The following CYP1B1 variants were observed in gnomAD, a reference collection of about 807,000 sequenced individuals.
CYP1B1 encodes cytochrome P450 family 1 subfamily B member 1.
In CYP1B1, 22 loss-of-function variants were observed where a neutral mutation model predicts 29.9. The ratio of observed to expected loss-of-function variants is 0.74; its 90% CI spans 0.53 to 1.05. The LOEUF is 1.05. Among genes scored for constraint, CYP1B1 ranks in the 50% least tolerant of loss-of-function variants. The probability of loss-of-function intolerance (pLI) is 0.00; values close to 1 mark genes in which losing one functional copy is unlikely to be tolerated. For synonymous variants in CYP1B1, 375 were observed against 320.0 expected (o/e 1.17, Z -1.83); for missense variants, 883 against 746.9 (o/e 1.18, Z -2.12).
At chr2:38,073,045 T>C (rs183154940) in intron 2 of CYP1B1, among the ~76,000 whole-genome samples, 6 of 152,352 alleles carry the variant, frequency 3.9e-5, no homozygotes, top group African/African-American at 9.6e-5. Context: ...TATCTGCGGA[T>C]GCACAAAAAC....
Position 38,071,001 on chromosome 2 carries a change from G to A in CYP1B1, c.1353C>T (p.Leu451=). ...CTCTGCTGGTCAGGTCCTTGTTGAT[G>A]AGGCCATCCTTGTCCAAGAATCGAG... is the stretch of plus-strand genomic sequence containing the variant. ...DPARFLDKDG[L]INKDLTSRVM... Residue 451 remains leucine (L), a synonymous_variant, in exon 3 of 3, where the codon CTC becomes CTT. Transcript: ENST00000610745. 1 of 1,614,136 alleles carries A rather than the reference G, an allele frequency of 6.2e-7. No individual in the cohort carries two copies. Among genetic ancestry groups the A allele is most frequent in the Non-Finnish European group, 8.5e-7 (1 of 1,180,008 alleles).
Position 38,071,072 on chromosome 2 carries a change from T to C in CYP1B1, c.1282A>G (p.Asn428Asp). Reference sequence around the variant, plus strand: ...TTAGGCCACTTCAGTGGGTCATGATTCACAGACCACTGGTTGACAAAAACC... The same window carrying C: ...TTAGGCCACTTCAGTGGGTCATGATCCACAGACCACTGGTTGACAAAAACC... The part of the protein sequence containing the change: ...TVVFVNQWSV[N>D]HDPLKWPNPE... The change falls in exon 3 of 3, where the codon AAT (asparagine) becomes GAT (aspartate). Residue 428 changes from asparagine to aspartate, a missense_variant. Coordinates refer to ENST00000610745, the MANE Select transcript of CYP1B1 (RefSeq NM_000104.4). 6.2e-7 allele frequency: 1 copy of C among 1,613,362 alleles called. No individual in the cohort carries two copies. The highest frequency in any genetic ancestry group is 8.5e-7 in the Non-Finnish European group (1 of 1,179,330).
In CYP1B1 at chr2:38,070,579, C is replaced by T; in HGVS notation, c.*143G>A. 1 of 770,308 alleles carries T rather than the reference C, an allele frequency of 1.3e-6. No individual in the cohort carries two copies. The highest frequency in any genetic ancestry group is 2.7e-5 in the East Asian group (1 of 37,530). 47.7% of individuals were successfully genotyped at this position (770,308 alleles called of 1,614,324 possible). A position where few individuals can be genotyped will look rare whatever the true frequency, so the allele number is the denominator to read the frequency against. ...AAGAACCGCTGGGTATGGAGCACAC[C>T]TCACCTGATGGACAGTTGATTTATG... On this transcript the variant is annotated 3_prime_UTR_variant, in exon 3 of 3. Coordinates refer to ENST00000610745, the MANE Select transcript of CYP1B1 (RefSeq NM_000104.4).
chr2:38,074,171 C>T (rs1682480716), intron 2 of CYP1B1, 175 bp downstream of exon 2: 1 of 703,328 alleles, frequency 1.4e-6, no homozygotes, highest in Non-Finnish European at 2.4e-6. Flanking sequence ...GGCGCGTGCG[C>T]GTGTCGCAGC....
chr2:38,075,369 G>C lies in CYP1B1; in HGVS notation c.20C>G (p.Pro7Arg). Reference protein sequence around the residue: MGTSLSPNDPWPLNPLS... With the variant: MGTSLSRNDPWPLNPLS... ...CGGGTTTAGCGGCCAAGGGTCGTTC[G>C]GGCTGAGGCTGGTGCCCATGCTGGG... Residue 7 changes from proline to arginine, a missense_variant, in exon 2 of 3, where the codon CCG becomes CGG. Transcript: ENST00000610745. 2 of 1,612,900 alleles carry C rather than the reference G, an allele frequency of 1.2e-6. No homozygotes were observed. Among genetic ancestry groups the C allele is most frequent in the Non-Finnish European group, 1.7e-6 (2 of 1,179,976 alleles).
chr2:38,075,591 C>T, intron 1 of CYP1B1, 189 bp downstream of exon 1: 2 of 613,670 alleles, frequency 3.3e-6, no homozygotes, highest in African/African-American at 1.8e-5. Flanking sequence ...GTTTCCACCT[C>T]GCTGTAACCC....
rs147024942 is a variant in CYP1B1 at position 38,067,926 on chromosome 2, G to T, written c.*2796C>A. On this transcript the variant is annotated 3_prime_UTR_variant, in exon 3 of 3. Coordinates refer to ENST00000610745, the MANE Select transcript of CYP1B1 (RefSeq NM_000104.4). The stretch of plus-strand genomic sequence containing the variant: ...AACATATACTGCTATGCAACTATTT[G>T]ATCTAATATAGATCTACTAGGAAAA... 8.9e-4 allele frequency: 172 copies of T among 192,314 alleles called. No homozygotes were observed. Among genetic ancestry groups the T allele is most frequent in the African/African-American group, 3.6e-3 (157 of 43,248 alleles). 11.9% of individuals were successfully genotyped at this position (192,314 alleles called of 1,614,324 possible). A position where few individuals can be genotyped will look rare whatever the true frequency, so the allele number is the denominator to read the frequency against.
chr2:38,074,057 C>T, intron 2 of CYP1B1: 1 of 535,876 alleles, frequency 1.9e-6, no homozygotes, highest in Non-Finnish European at 3.3e-6. Context: ...CTTGTTTTTC[C>T]GGGGGGTGGA....
At chr2:38,071,477 T>C (rs1017982491) in intron 2 of CYP1B1, among the ~76,000 whole-genome samples, 167 bp from the exon 3 acceptor site, 7 of 152,218 alleles carry the variant, frequency 4.6e-5, no homozygotes, top group African/African-American at 1.4e-4. Context: ...GCTTCCTAAT[T>C]TCTCACTAAA....
chr2:38,068,113 C>A lies in CYP1B1; in HGVS notation c.*2609G>T. The A allele has an allele frequency of 4.9e-6, 1 of 205,036 alleles. No individual in the cohort carries two copies. Among genetic ancestry groups the A allele is most frequent in the Non-Finnish European group, 1.0e-5 (1 of 99,738 alleles). 12.7% of individuals were successfully genotyped at this position (205,036 alleles called of 1,614,324 possible). ...ACATACAAATGAAGCATTTAATAAA[C>A]ATTATACTTTATTGCAATAACCTGG... On this transcript the variant is annotated 3_prime_UTR_variant, in exon 3 of 3. Coordinates refer to ENST00000610745, the MANE Select transcript of CYP1B1 (RefSeq NM_000104.4).
rs903289558 is a variant in CYP1B1 at position 38,070,408 on chromosome 2, A to T, written c.*314T>A. 4.9e-6 allele frequency: 2 copies of T among 406,968 alleles called. No individual in the cohort carries two copies. Among genetic ancestry groups the T allele is most frequent in the African/African-American group, 2.0e-5 (1 of 50,916 alleles). 25.2% of individuals were successfully genotyped at this position (406,968 alleles called of 1,614,324 possible). A position where few individuals can be genotyped will look rare whatever the true frequency, so the allele number is the denominator to read the frequency against. On this transcript the variant is annotated 3_prime_UTR_variant, in exon 3 of 3. Transcript: ENST00000610745. ...TAGTTTGGTGTAAGTGTTTGGGTGT[A>T]TGTGTCTATATGTGCATTTTAACTC... is the stretch of plus-strand genomic sequence containing the variant.
Position 38,074,639 on chromosome 2 carries a change from G to C in CYP1B1, c.750C>G (p.Phe250Leu). ...GGAAAACGGTGCGCACCGGGTTGGG[G>C]AAGTACTGCAGCCAGGGCATCACGT... ...LVDVMPWLQY[F>L]PNPVRTVFRE... The change falls in exon 2 of 3, where the codon TTC (phenylalanine) becomes TTG (leucine). Residue 250 changes from phenylalanine to leucine, a missense_variant. Transcript: ENST00000610745. 5 of 1,613,532 alleles carry C rather than the reference G, an allele frequency of 3.1e-6. No homozygotes were observed. Among genetic ancestry groups the C allele is most frequent in the Non-Finnish European group, 4.2e-6 (5 of 1,180,020 alleles).
intron 1 of CYP1B1, 150 bp downstream of exon 1, chr2:38,075,630 G>T (rs1682524535): frequency 5.1e-6 from 3 of 588,258 alleles, no homozygotes; most frequent in Non-Finnish European, 9.1e-6. Context: ...TCCCCGCAAG[G>T]CGCGTAACGG....
chr2:38,074,996 G>C lies in CYP1B1; in HGVS notation c.393C>G (p.Ser131Arg). 6.3e-7 allele frequency: 1 copy of C among 1,589,346 alleles called. No homozygotes were observed. The highest frequency in any genetic ancestry group is 8.5e-7 in the Non-Finnish European group (1 of 1,175,784). Residue 131 changes from serine (S) to arginine (R), a missense_variant, in exon 2 of 3, where the codon AGC (serine) becomes AGG (arginine). Coordinates refer to ENST00000610745, the MANE Select transcript of CYP1B1 (RefSeq NM_000104.4). ...GCTCCGAGTAGTGGCCGAAAGCCAT[G>C]CTGCGGCCGCCGGACACCACACGGA... ...ASFRVVSGGR[S>R]MAFGHYSEHW...
chr2:38,075,515 G>C, intron 1 of CYP1B1, 126 bp from the exon 2 acceptor site: 1 of 956,804 alleles, frequency 1.0e-6, no homozygotes, highest in South Asian at 1.4e-5. Context: ...TGACTCTCTG[G>C]AGAAATGGCC....
Position 38,070,853 on chromosome 2 carries a change from C to T in CYP1B1, c.1501G>A (p.Ala501Thr), listed in dbSNP as rs746179169. 1 of 1,614,150 alleles carries T rather than the reference C, an allele frequency of 6.2e-7. No individual in the cohort carries two copies. The highest frequency in any genetic ancestry group is 8.5e-7 in the Non-Finnish European group (1 of 1,180,040). ...CDFRANPNEP[A>T]KMNFSYGLTI... ...AGACCATAACTGAAATTCATTTTCG[C>T]AGGCTCATTTGGGTTGGCCCTGAAA... is the stretch of plus-strand genomic sequence containing the variant. The change falls in exon 3 of 3, where the codon GCG (alanine) becomes ACG (threonine). Residue 501 changes from alanine to threonine, a missense_variant. Ala to Thr is a moderately conservative substitution (Grantham distance 58). Coordinates refer to ENST00000610745, the MANE Select transcript of CYP1B1 (RefSeq NM_000104.4).
chr2:38,075,202 C>T lies in CYP1B1; in HGVS notation c.187G>A (p.Ala63Thr). 1.9e-6 allele frequency: 3 copies of T among 1,576,560 alleles called. No homozygotes were observed. In the East Asian group the frequency reaches 6.8e-5, roughly 36 times the overall value. The change falls in exon 2 of 3, where the codon GCG (alanine) becomes ACG (threonine). Residue 63 changes from alanine to threonine, a missense_variant. Ala to Thr is a moderately conservative substitution (Grantham distance 58). Transcript: ENST00000610745. ...GPFAWPLIGN[A>T]AAVGQAAHLS... ...TGAGCCGCCTGGCCCACCGCCGCCG[C>T]GTTTCCGATCAGTGGCCACGCAAAC...
chr2:38,068,038 C>T lies in CYP1B1; in HGVS notation c.*2684G>A, dbSNP rs1013819957. 1.5e-5 allele frequency: 3 copies of T among 201,300 alleles called. No homozygotes were observed. The highest frequency in any genetic ancestry group is 6.9e-5 in the African/African-American group (3 of 43,612). 12.5% of individuals were successfully genotyped at this position (201,300 alleles called of 1,614,324 possible). A position where few individuals can be genotyped will look rare whatever the true frequency, so the allele number is the denominator to read the frequency against. ...GAAAATTCACAAAACAAACCTGAGA[C>T]ATCTTTTTGTTTTGGAAAAAAGCAA... is the stretch of plus-strand genomic sequence containing the variant. On this transcript the variant is annotated 3_prime_UTR_variant, in exon 3 of 3. Coordinates refer to ENST00000610745, the MANE Select transcript of CYP1B1 (RefSeq NM_000104.4).
At position 38,068,134 on chromosome 2, in the gene CYP1B1, C is replaced by T. The variant is rs772227950; in HGVS notation, c.*2588G>A. ...TAAACATTATACTTTATTGCAATAA[C>T]CTGGAGTAAAACTTCTGACTTTAAT... On this transcript the variant is annotated 3_prime_UTR_variant, in exon 3 of 3. Coordinates refer to ENST00000610745, the MANE Select transcript of CYP1B1 (RefSeq NM_000104.4). 1 of 208,508 alleles carries T rather than the reference C, an allele frequency of 4.8e-6. No homozygotes were observed. The highest frequency in any genetic ancestry group is 9.8e-6 in the Non-Finnish European group (1 of 102,222). The allele number at this position is 208,508 out of a possible 1,614,324, so 12.9% of individuals were successfully genotyped here.
Sources: gnomAD v4.1 joint callset for allele counts (sites outside exome capture counted in the v4.1 genomes callset) on GRCh38, gnomAD v4.1.1 for gene constraint, MANE v1.5 for transcripts, NCBI Gene and HGNC (gene_info 2026-07-23, HGNC 2026-07-21) for gene names.